Variants in PON1 observed in about 807,000 individuals in gnomAD.
The protein encoded by PON1 is paraoxonase 1, also known as serum paraoxonase/arylesterase 1.
PON1 carries 37 observed loss-of-function variants against 39.2 expected under a neutral mutation model. The ratio of observed to expected loss-of-function variants is 0.94; its 90% confidence interval spans 0.73 to 1.24. The LOEUF (loss-of-function observed/expected upper bound fraction) is 1.24, where lower values mean the gene tolerates loss of function less well. Ranked by LOEUF, PON1 falls within the 50% of genes most tolerant of loss-of-function variation. PON1 has a pLI of 0.00. For missense variants in PON1, 397 were observed against 413.5 expected, an observed-to-expected ratio of 0.96 and a Z score of 0.35; for synonymous variants, 148 against 152.2, an observed-to-expected ratio of 0.97 and a Z score of 0.21.
chr7:95,315,533 C>A (rs1267022615), intron 3 of PON1, 43 bp from the exon 4 acceptor site: 1 of 1,592,186 alleles, frequency 6.3e-7, no homozygotes, highest in Non-Finnish European at 8.6e-7. Flanking sequence ...AATACCAGTA[C>A]TTCAAATGCT....
At chr7:95,316,597 A>G (rs71653636) in intron 3 of PON1, 137 bp downstream of exon 3, 10,821 of 806,310 alleles carry the variant, frequency 0.013, 115 homozygotes, top group Non-Finnish European at 0.016. Context: ...AAATGCATAC[A>G]CAATTTGTCT....
intron 1 of PON1, among the ~76,000 whole-genome samples, chr7:95,321,456 G>C (rs777839842): frequency 2.0e-5 from 3 of 152,158 alleles, no homozygotes; most frequent in Non-Finnish European, 4.4e-5. Context: ...TACTACACAC[G>C]CCTCATTCAT....
At chr7:95,311,141 C>T (rs112981238) in intron 5 of PON1, among the ~76,000 whole-genome samples, 5 of 149,234 alleles carry the variant, frequency 3.4e-5, no homozygotes, top group African/African-American at 1.0e-4. Flanking sequence ...TCTATGAAGC[C>T]GGTTTGGGTT....
At chr7:95,302,125 A>AAAAAAAAAAAAAAAAAAATTTT in intron 8 of PON1, 80 bp downstream of exon 8, 1 of 966,960 alleles carries the variant, frequency 1.0e-6, no homozygotes, top group Non-Finnish European at 1.5e-6. Context: ...AAAAAAACCA[A>AAAAAAAAAAAAAAAAAAATTTT]GAATTGAGAA....
intron 5 of PON1, among the ~76,000 whole-genome samples, chr7:95,310,441 G>T (rs1165150527): frequency 6.6e-6 from 1 of 152,104 alleles, no homozygotes; most frequent in East Asian, 1.9e-4. Context: ...TTAAATAAAT[G>T]CACGAATAAA....
chr7:95,309,040 T>C (rs1585695414), intron 5 of PON1, among the ~76,000 whole-genome samples: 1 of 152,172 alleles, frequency 6.6e-6, no homozygotes, highest in Non-Finnish European at 1.5e-5. Context: ...CTCTGCTCTA[T>C]TGCAGAGGCG....
Position 95,302,218 on chromosome 7 carries a change from G to A in PON1, c.896C>T (p.Pro299Leu). ...TTTAAAACTTACCTCTGATGCAGGA[G>A]GATTCTCTGAGTCATAGAAGAAGAT... is the stretch of plus-strand genomic sequence containing the variant. ...MKIFFYDSEN[P>L]PASEVLRIQN... Residue 299 changes from proline to leucine, a missense_variant, in exon 8 of 9, where the codon CCT becomes CTT. Physicochemically the swap from Pro to Leu is moderately conservative, Grantham distance 98 (BLOSUM62 -3). Transcript: ENST00000222381. 3.1e-6 allele frequency: 5 copies of A among 1,612,540 alleles called. No homozygotes were observed. The highest frequency in any genetic ancestry group is 4.2e-6 in the Non-Finnish European group (5 of 1,179,202).
chr7:95,311,198 A>G (rs1807644917), intron 5 of PON1, among the ~76,000 whole-genome samples: 1 of 152,144 alleles, frequency 6.6e-6, no homozygotes, highest in Non-Finnish European at 1.5e-5. Flanking sequence ...TTTCCTGGTA[A>G]TAACTTGAAT....
At chr7:95,317,901 A>G (rs1807806185) in intron 2 of PON1, among the ~76,000 whole-genome samples, 2 of 152,110 alleles carry the variant, frequency 1.3e-5, no homozygotes, top group Admixed American at 6.5e-5. Flanking sequence ...TTCCTGTCCA[A>G]TATCAAAAGA....
chr7:95,305,610 G>A (rs375803520), intron 7 of PON1, among the ~76,000 whole-genome samples: 3 of 152,270 alleles, frequency 2.0e-5, no homozygotes, highest in Non-Finnish European at 2.9e-5. Flanking sequence ...GGGAAAATAC[G>A]TAGCGGGAGG....
At chr7:95,308,286 T>C in intron 5 of PON1, 75 bp from the exon 6 acceptor site, 1 of 1,356,904 alleles carries the variant, frequency 7.4e-7, no homozygotes, top group East Asian at 2.4e-5. Flanking sequence ...CTGGCATTCC[T>C]CACTGTCTAT....
chr7:95,320,865 C>T (rs2237583), intron 1 of PON1, among the ~76,000 whole-genome samples: 36,258 of 152,194 alleles, frequency 0.24, 5,253 homozygotes, highest in East Asian at 0.62. Flanking sequence ...ACTCTGAACT[C>T]TGCGCAGAAA....
At chr7:95,320,499 G>T (rs545879866) in intron 1 of PON1, among the ~76,000 whole-genome samples, 7 of 152,152 alleles carry the variant, frequency 4.6e-5, no homozygotes, top group Admixed American at 2.0e-4. Context: ...GTATATGCCC[G>T]CGTTTAATCC....
In PON1 at chr7:95,302,340, A is replaced by C. The variant is rs753949449; in HGVS notation, c.781-7T>G. The C allele has an allele frequency of 1.9e-6, 3 of 1,603,346 alleles. No homozygotes were observed. Among genetic ancestry groups the C allele is most frequent in the African/African-American group, 2.7e-5 (2 of 74,694 alleles). Reference sequence around the variant, plus strand: ...GGGTATTAAAGTCAAGGGACTTAAAAGATTAAAAACAAGAAAAGAACAAGA... The same window carrying C: ...GGGTATTAAAGTCAAGGGACTTAAACGATTAAAAACAAGAAAAGAACAAGA... On this transcript the variant is annotated splice_region_variant and splice_polypyrimidine_tract_variant and intron_variant, in intron 7 of 8. Transcript: ENST00000222381.
At chr7:95,318,279 T>C in intron 2 of PON1, 44 bp downstream of exon 2, 1 of 1,511,742 alleles carries the variant, frequency 6.6e-7, no homozygotes, top group Non-Finnish European at 9.2e-7. Flanking sequence ...AGCAAAAAAA[T>C]ACCGGAAGTT....
At position 95,302,212 on chromosome 7, in the gene PON1, G is replaced by T. The variant is rs1439888217; in HGVS notation, c.902C>A (p.Ala301Glu). The T allele has an allele frequency of 3.7e-6, 6 of 1,608,778 alleles. No individual in the cohort carries two copies. The highest frequency in any genetic ancestry group is 5.1e-6 in the Non-Finnish European group (6 of 1,177,262). Residue 301 changes from alanine to glutamate, a missense_variant, in exon 8 of 9, where the codon GCA becomes GAA. Transcript: ENST00000222381. ...IFFYDSENPP[A>E]SEVLRIQNIL... ...TTCATTTTTAAAACTTACCTCTGAT[G>T]CAGGAGGATTCTCTGAGTCATAGAA...
chr7:95,306,198 G>T, intron 7 of PON1, 87 bp downstream of exon 7: 1 of 1,156,420 alleles, frequency 8.6e-7, no homozygotes, highest in Non-Finnish European at 1.3e-6. Flanking sequence ...CCCCAATTAA[G>T]CAGTCCTTTT....
chr7:95,298,929 G>A lies in PON1; in HGVS notation c.*15C>T, dbSNP rs1807352105. ...AATGGCCTCAGTTTCTATGGCATGG[G>A]TGCAAATCGGTCTGTTAGAGCTCAC... is the stretch of plus-strand genomic sequence containing the variant. On this transcript the variant is annotated 3_prime_UTR_variant, in exon 9 of 9. Transcript: ENST00000222381. 1 of 1,613,976 alleles carries A rather than the reference G, an allele frequency of 6.2e-7. No homozygotes were observed. Among genetic ancestry groups the A allele is most frequent in the African/African-American group, 1.3e-5 (1 of 74,912 alleles).
chr7:95,314,709 C>A (rs781717965), intron 4 of PON1, among the ~76,000 whole-genome samples: 1 of 152,154 alleles, frequency 6.6e-6, no homozygotes, highest in Non-Finnish European at 1.5e-5. Context: ...TTTTTAAACT[C>A]TTCAGGTGCT....
Sources: allele counts gnomAD v4.1 joint callset (sites outside exome capture counted in the v4.1 genomes callset), GRCh38; gene constraint gnomAD v4.1.1; transcripts MANE v1.5; gene names NCBI Gene and HGNC (gene_info 2026-07-23, HGNC 2026-07-21).